VPS13D: variants seen among roughly 807,000 people sequenced by gnomAD.
VPS13D encodes the protein intermembrane lipid transfer protein VPS13D.
In VPS13D, 187 loss-of-function variants were observed where a neutral mutation model predicts 461.9. The observed-to-expected ratio is 0.40, with a 90% confidence interval of 0.36 to 0.46. VPS13D has a LOEUF of 0.46. Among genes scored for constraint, VPS13D ranks in the 20% least tolerant of loss-of-function variants. The pLI is 0.60. For synonymous variants in VPS13D, 1,951 were observed against 1,986.3 expected, an observed-to-expected ratio of 0.98 and a Z score of 0.47; for missense variants, 4,711 against 5,364.9, an observed-to-expected ratio of 0.88 and a Z score of 3.81.
At chr1:12,374,611 C>T (rs757785565) in intron 55 of VPS13D, among the ~76,000 whole-genome samples, 23 of 152,178 alleles carry the variant, frequency 1.5e-4, no homozygotes, top group Non-Finnish European at 2.8e-4. Flanking sequence ...GTTGAGACTA[C>T]ATAAACCTCC....
At chr1:12,440,175 A>G (rs1342166597) in intron 65 of VPS13D, among the ~76,000 whole-genome samples, 1 of 152,222 alleles carries the variant, frequency 6.6e-6, no homozygotes, top group African/African-American at 2.4e-5. Flanking sequence ...TCTGTAAGCA[A>G]CCGTTACTAA....
intron 35 of VPS13D, among the ~76,000 whole-genome samples, chr1:12,324,765 A>G (rs538304912): frequency 3.7e-4 from 57 of 152,374 alleles, no homozygotes; most frequent in African/African-American, 1.3e-3. Flanking sequence ...TGGCGGTGAT[A>G]TTGATAATTA....
At chr1:12,475,069 G>A (rs1279828035) in intron 67 of VPS13D, among the ~76,000 whole-genome samples, 1 of 152,150 alleles carries the variant, frequency 6.6e-6, no homozygotes, top group Non-Finnish European at 1.5e-5. Flanking sequence ...GGAAGTGGCA[G>A]CAGTTCACAT....
At position 12,274,961 on chromosome 1, in the gene VPS13D, G is replaced by A. The variant is rs566290528; in HGVS notation, c.2237-864G>A. On this transcript the variant is annotated intron_variant, in intron 18 of 69. Coordinates refer to ENST00000620676, the MANE Select transcript of VPS13D (RefSeq NM_015378.4). ...TGGCCAGGTGCGGTGGCTCACGCCT[G>A]TAATCCCAGCACTTAGGGAGGCTGA... 3.9e-5 allele frequency among the ~76,000 whole-genome samples: 6 copies of A among 152,136 alleles called. No homozygotes were observed. In the East Asian group the frequency reaches 1.2e-3, roughly 30 times the overall value.
chr1:12,415,149 T>A lies in VPS13D; in HGVS notation c.12093T>A (p.Asp4031Glu). Residue 4031 changes from aspartate (D) to glutamate (E), a missense_variant, in exon 64 of 70, where the codon GAT becomes GAA. Coordinates refer to ENST00000620676, the MANE Select transcript of VPS13D (RefSeq NM_015378.4). Reference sequence around the variant, plus strand: ...TTGAAGACGCTGTGATTAATCTAGATCCATTCACTCGGGTACATCCCTATG... The same window carrying A: ...TTGAAGACGCTGTGATTAATCTAGAACCATTCACTCGGGTACATCCCTATG... ...IRFEDAVINL[D>E]PFTRVHPYET... 1 of 1,614,122 alleles carries A rather than the reference T, an allele frequency of 6.2e-7. No individual in the cohort carries two copies. The highest frequency in any genetic ancestry group is 8.5e-7 in the Non-Finnish European group (1 of 1,179,986).
intron 27 of VPS13D, 45 bp downstream of exon 27, chr1:12,308,686 A>C (rs748384312): frequency 3.1e-6 from 5 of 1,587,724 alleles, no homozygotes; most frequent in Non-Finnish European, 4.3e-6. Context: ...CGCTCTGTTC[A>C]CCAGGCAGGG....
At chr1:12,377,223 C>T (rs1438254348) in intron 55 of VPS13D, among the ~76,000 whole-genome samples, 1 of 151,792 alleles carries the variant, frequency 6.6e-6, no homozygotes, top group Non-Finnish European at 1.5e-5. Context: ...CCACGCCCAG[C>T]TAATTTTTGT....
At chr1:12,477,730 A>G (rs974845385) in intron 67 of VPS13D, among the ~76,000 whole-genome samples, 3 of 152,154 alleles carry the variant, frequency 2.0e-5, no homozygotes, top group Admixed American at 1.3e-4. Context: ...TCCTGTGCAC[A>G]CACACATGCA....
At chr1:12,327,892 T>A (rs1643232020) in intron 36 of VPS13D, 38 bp downstream of exon 36, 1 of 1,598,152 alleles carries the variant, frequency 6.3e-7, no homozygotes, top group African/African-American at 1.3e-5. Flanking sequence ...ATCTTGAATA[T>A]TTCCAGTCAT....
intron 55 of VPS13D, among the ~76,000 whole-genome samples, chr1:12,375,441 ACCAATATTT>A (rs2101636535): frequency 1.3e-5 from 2 of 152,328 alleles, no homozygotes; most frequent in South Asian, 4.1e-4. Context: ...AGCAGTTCAC[ACCAATATTT>A]CCAATTCAAG....
At position 12,304,601 on chromosome 1, in the gene VPS13D, G is replaced by T; in HGVS notation, c.6312G>T (p.Gly2104=). Residue 2104 remains glycine (G), a synonymous_variant, in exon 26 of 70, where the codon GGG becomes GGT. Transcript: ENST00000620676. Reference sequence around the variant, plus strand: ...AGCCCAGGGGAACCCATTCCCAGGGGCAGTTCACGATGCCTCTTGCTGGAA... The same window carrying T: ...AGCCCAGGGGAACCCATTCCCAGGGTCAGTTCACGATGCCTCTTGCTGGAA... ...TEEPRGTHSQ[G]QFTMPLAGMS... 1 of 1,614,140 alleles carries T rather than the reference G, an allele frequency of 6.2e-7. No individual in the cohort carries two copies. Among genetic ancestry groups the T allele is most frequent in the Non-Finnish European group, 8.5e-7 (1 of 1,180,040 alleles).
At chr1:12,326,321 A>ATT (rs763042688) in intron 35 of VPS13D, among the ~76,000 whole-genome samples, 1,977 of 49,076 alleles carry the variant, frequency 0.04, 53 homozygotes, top group Admixed American at 0.064. Context: ...AACCTTTTGG[A>ATT]TTTTTTTTTT....
At chr1:12,379,771 ATT>A (rs368778602) in intron 57 of VPS13D, among the ~76,000 whole-genome samples, 175 bp downstream of exon 57, 14 of 142,530 alleles carry the variant, frequency 9.8e-5, no homozygotes, top group Middle Eastern at 3.6e-3. Context: ...GCATTTGTGT[ATT>A]TTTTTTTTTT....
intron 67 of VPS13D, among the ~76,000 whole-genome samples, chr1:12,470,209 C>T (rs1370910172): frequency 6.6e-6 from 1 of 152,224 alleles, no homozygotes; most frequent in Non-Finnish European, 1.5e-5. Context: ...AGCAAAACCT[C>T]ACTTCTCGTT....
At chr1:12,288,023 T>C (rs1257178793) in intron 21 of VPS13D, among the ~76,000 whole-genome samples, 200 bp from the exon 22 acceptor site, 1 of 152,218 alleles carries the variant, frequency 6.6e-6, no homozygotes, top group Non-Finnish European at 1.5e-5. Flanking sequence ...AACTGAAATT[T>C]AGACTGTCCA....
chr1:12,311,398 T>TG (rs1642744995), intron 27 of VPS13D, 56 bp from the exon 28 acceptor site: 1 of 1,528,996 alleles, frequency 6.5e-7, no homozygotes, highest in African/African-American at 1.4e-5. Flanking sequence ...GCGTGAGCTA[T>TG]GTCAGTGTTA....
chr1:12,317,606 G>A (rs1642924407), intron 30 of VPS13D, among the ~76,000 whole-genome samples: 1 of 151,924 alleles, frequency 6.6e-6, no homozygotes, highest in Non-Finnish European at 1.5e-5. Context: ...AGGGCCAGGT[G>A]CAGTGGCCCA....
chr1:12,340,517 T>G (rs1487061700), intron 40 of VPS13D, among the ~76,000 whole-genome samples: 1 of 152,236 alleles, frequency 6.6e-6, no homozygotes, highest in Non-Finnish European at 1.5e-5. Context: ...AATTACCGAC[T>G]GTTATGATAC....
At chr1:12,308,812 C>T (rs933771070) in intron 27 of VPS13D, among the ~76,000 whole-genome samples, 171 bp downstream of exon 27, 4 of 152,080 alleles carry the variant, frequency 2.6e-5, no homozygotes, top group Admixed American at 6.6e-5. Flanking sequence ...CTACCATGCC[C>T]GGCTAATTTT....
Sources: allele counts gnomAD v4.1 joint callset (sites outside exome capture counted in the v4.1 genomes callset), GRCh38; gene constraint gnomAD v4.1.1; transcripts MANE v1.5; gene names NCBI Gene and HGNC (gene_info 2026-07-23, HGNC 2026-07-21).